PRKD1: variants seen among roughly 807,000 people sequenced by gnomAD.
PRKD1 encodes the protein protein kinase D1, also known as serine/threonine-protein kinase D1.
In PRKD1, 63 loss-of-function variants were observed where a neutral mutation model predicts 95.9. The observed-to-expected ratio is 0.66, with a 90% CI of 0.54 to 0.81. The LOEUF is 0.81. Among genes scored for constraint, PRKD1 ranks in the 30% least tolerant of loss-of-function variants. The pLI is 0.00. For missense variants in PRKD1, 1,048 were observed against 1,165.3 expected, an observed-to-expected ratio of 0.90 and a Z score of 1.47; for synonymous variants, 425 against 423.1, an observed-to-expected ratio of 1.00 and a Z score of -0.05.
intron 12 of PRKD1, among the ~76,000 whole-genome samples, chr14:29,624,731 C>T (rs1879503526): frequency 6.6e-6 from 1 of 152,150 alleles, no homozygotes; most frequent in South Asian, 2.1e-4. Flanking sequence ...ATTTTAGGTT[C>T]CTCATCTACA....
intron 1 of PRKD1, among the ~76,000 whole-genome samples, chr14:29,894,281 G>C (rs1894042868): frequency 6.6e-6 from 1 of 152,236 alleles, no homozygotes; most frequent in Admixed American, 6.5e-5. Flanking sequence ...GATGGCGAAA[G>C]AAGTGAGATG....
chr14:29,915,322 T>C (rs1262568656), intron 1 of PRKD1, among the ~76,000 whole-genome samples: 1 of 152,108 alleles, frequency 6.6e-6, no homozygotes, highest in Non-Finnish European at 1.5e-5. Context: ...CTCCACAATT[T>C]TGTTACCAGA....
chr14:29,695,726 A>G (rs1884479805), intron 2 of PRKD1, among the ~76,000 whole-genome samples: 1 of 152,324 alleles, frequency 6.6e-6, no homozygotes, highest in East Asian at 1.9e-4. Flanking sequence ...GGAGCTAAGG[A>G]GAGACATTTT....
At chr14:29,686,359 G>C (rs1280023298) in intron 2 of PRKD1, among the ~76,000 whole-genome samples, 1 of 152,106 alleles carries the variant, frequency 6.6e-6, no homozygotes, top group South Asian at 2.1e-4. Flanking sequence ...AGTTGGGAGT[G>C]AGGGGCTTTA....
chr14:29,888,713 G>C (rs1402754944), intron 1 of PRKD1, among the ~76,000 whole-genome samples: 1 of 152,094 alleles, frequency 6.6e-6, no homozygotes, highest in Non-Finnish European at 1.5e-5. Context: ...AAAAAAACCA[G>C]ACACACCACA....
intron 1 of PRKD1, among the ~76,000 whole-genome samples, chr14:29,807,488 C>G (rs1890284003): frequency 1.3e-5 from 2 of 152,142 alleles, no homozygotes; most frequent in East Asian, 3.9e-4. Context: ...CCTCTGCCTC[C>G]CAGGCTCAGG....
Position 29,927,337 on chromosome 14 carries a change from C to T in PRKD1, c.176G>A (p.Arg59His). 1 of 1,564,194 alleles carries T rather than the reference C, an allele frequency of 6.4e-7. No homozygotes were observed. Among genetic ancestry groups the T allele is most frequent in the Non-Finnish European group, 8.6e-7 (1 of 1,157,224 alleles). ...GTCCTGCAGCAGCAGCACCGGCTCA[C>T]GGCTCAGGCCGATCTGCAGATGGAA... ...ISFHLQIGLSREPVLLLQDSS... is the reference protein window; with the variant it reads ...ISFHLQIGLSHEPVLLLQDSS... The change falls in exon 1 of 18, where the codon CGT becomes CAT. Residue 59 changes from arginine to histidine, a missense_variant. Physicochemically the swap from Arg to His is conservative, Grantham distance 29 (BLOSUM62 0). This residue lies in a region of PRKD1 where 275 missense variants were observed against 248.6 expected (regional missense o/e 1.11). Transcript: ENST00000331968.
At chr14:29,817,611 T>C (rs1455234115) in intron 1 of PRKD1, among the ~76,000 whole-genome samples, 1 of 152,188 alleles carries the variant, frequency 6.6e-6, no homozygotes, top group Non-Finnish European at 1.5e-5. Context: ...TATCATTATG[T>C]AATCTCCATT....
intron 4 of PRKD1, among the ~76,000 whole-genome samples, chr14:29,658,938 T>TG (rs1882042098): frequency 6.6e-6 from 1 of 152,230 alleles, no homozygotes; most frequent in Non-Finnish European, 1.5e-5. Flanking sequence ...ACATGACCTG[T>TG]GTTGAAGAAT....
At chr14:29,886,782 T>C (rs1893721968) in intron 1 of PRKD1, among the ~76,000 whole-genome samples, 1 of 152,264 alleles carries the variant, frequency 6.6e-6, no homozygotes, top group South Asian at 2.1e-4. Flanking sequence ...ATAGTTATTT[T>C]GGAACTGACC....
At chr14:29,602,183 T>TC (rs929543812) in intron 13 of PRKD1, among the ~76,000 whole-genome samples, 5 of 152,016 alleles carry the variant, frequency 3.3e-5, no homozygotes, top group Non-Finnish European at 7.4e-5. Flanking sequence ...AGGGTAGGTG[T>TC]CCTCTGTGTG....
At chr14:29,620,826 G>T (rs1013838611) in intron 13 of PRKD1, among the ~76,000 whole-genome samples, 1 of 151,926 alleles carries the variant, frequency 6.6e-6, no homozygotes, top group African/African-American at 2.4e-5. Flanking sequence ...CCATTACTGG[G>T]TGTATAACCA....
At chr14:29,633,027 A>G (rs1880127333) in intron 8 of PRKD1, 81 bp from the exon 9 acceptor site, 2 of 1,278,038 alleles carry the variant, frequency 1.6e-6, no homozygotes, top group Non-Finnish European at 2.3e-6. Context: ...GATTTCCCCA[A>G]TAGGGACATG....
intron 2 of PRKD1, among the ~76,000 whole-genome samples, chr14:29,671,858 A>G (rs934041190): frequency 1.3e-5 from 2 of 152,204 alleles, no homozygotes; most frequent in Non-Finnish European, 2.9e-5. Context: ...GTAACAGAAG[A>G]GTAATAAATA....
rs3837586 is a variant in PRKD1, at chr14:29,646,533, TTAGATAGATAGA to T, written c.697-7641_697-7630del. ...TATGCCTACTATGTACTCACAAAAA[TTAGATAGATAGA>T]TAGATAGATAGATAGATAGATAGAT... On this transcript the variant is annotated intron_variant, in intron 4 of 17. Transcript: ENST00000331968. Among the ~76,000 whole-genome samples the T allele has an allele frequency of 4.1e-3, 612 of 150,152 alleles. 4 individuals are homozygous for T. The highest frequency in any genetic ancestry group is 0.014 in the African/African-American group (561 of 40,652).
rs552590955 is a variant in PRKD1 at position 29,613,755 on chromosome 14, G to C, written c.1905+10397C>G. On this transcript the variant is annotated intron_variant, in intron 13 of 17. Coordinates refer to ENST00000331968, the MANE Select transcript of PRKD1 (RefSeq NM_002742.3). Reference sequence around the variant, plus strand: ...CCAACTGACTTGGTAACATATCAAAGGTTCTCCATGAACCCACAGTAAGCC... The same window carrying C: ...CCAACTGACTTGGTAACATATCAAACGTTCTCCATGAACCCACAGTAAGCC... 4.1e-4 allele frequency among the ~76,000 whole-genome samples: 63 copies of C among 152,244 alleles called. 1 individual carries two copies. The highest frequency in any genetic ancestry group is 6.8e-3 in the Middle Eastern group (2 of 294).
At chr14:29,581,492 G>A (rs527832290) in intron 16 of PRKD1, among the ~76,000 whole-genome samples, 1 of 152,210 alleles carries the variant, frequency 6.6e-6, no homozygotes, top group South Asian at 2.1e-4. Context: ...GGCCATGTAA[G>A]TTGGTCAAAG....
chr14:29,689,025 T>C (rs975007509), intron 2 of PRKD1, among the ~76,000 whole-genome samples: 2 of 147,774 alleles, frequency 1.4e-5, no homozygotes, highest in Admixed American at 1.3e-4. Context: ...AGAAAATCTA[T>C]GCAATACCAT....
intron 1 of PRKD1, among the ~76,000 whole-genome samples, chr14:29,859,080 C>T (rs1030377028): frequency 1.2e-4 from 18 of 152,172 alleles, no homozygotes; most frequent in Admixed American, 8.5e-4. Context: ...ATAGCATTTC[C>T]CCACTTGCAA....
Sources: gnomAD v4.1 joint callset for allele counts (sites outside exome capture counted in the v4.1 genomes callset) on GRCh38, gnomAD v4.1.1 for gene constraint, gnomAD v4.1.1 regional missense constraint, MANE v1.5 for transcripts, NCBI Gene and HGNC (gene_info 2026-07-23, HGNC 2026-07-21) for gene names.